Variants in EYA1 observed in about 807,000 individuals in gnomAD.
EYA1 encodes the protein EYA transcriptional coactivator and phosphatase 1.
Under a neutral mutation model 82.0 loss-of-function variants are expected in EYA1, and 16 were observed. The observed-to-expected ratio is 0.20, with a 90% CI of 0.13 to 0.30. The LOEUF is 0.30. Ranked by LOEUF, EYA1 falls within the 10% of genes least tolerant of loss-of-function variation. The probability of loss-of-function intolerance (pLI) is 1.00; values close to 1 mark genes in which losing one functional copy is unlikely to be tolerated. For missense variants in EYA1, 633 were observed against 730.7 expected, an observed-to-expected ratio of 0.87 and a Z score of 1.54; for synonymous variants, 261 against 264.4, an observed-to-expected ratio of 0.99 and a Z score of 0.12.
intron 2 of EYA1, among the ~76,000 whole-genome samples, chr8:71,452,588 A>C (rs919393490): frequency 6.6e-6 from 1 of 152,332 alleles, no homozygotes; most frequent in South Asian, 2.1e-4. Flanking sequence ...AGGAACGATC[A>C]GGCAGCAACA....
At chr8:71,313,207 G>A (rs945805237) in intron 7 of EYA1, among the ~76,000 whole-genome samples, 19 of 151,848 alleles carry the variant, frequency 1.3e-4, no homozygotes, top group African/African-American at 4.1e-4. Context: ...CCGCTTTTTC[G>A]GTATCATGTA....
At chr8:71,374,461 G>A (rs1425561249) in intron 2 of EYA1, among the ~76,000 whole-genome samples, 4 of 152,038 alleles carry the variant, frequency 2.6e-5, no homozygotes, top group Non-Finnish European at 4.4e-5. Context: ...TAGGACGTCC[G>A]TTACCAAAAA....
chr8:71,397,426 C>T (rs1240381291), intron 2 of EYA1, among the ~76,000 whole-genome samples: 2 of 152,136 alleles, frequency 1.3e-5, no homozygotes, highest in East Asian at 3.8e-4. Flanking sequence ...GTGGCTGGTA[C>T]TAGTTGTTCC....
At chr8:71,255,784 G>A (rs1443275518) in intron 11 of EYA1, among the ~76,000 whole-genome samples, 1 of 151,998 alleles carries the variant, frequency 6.6e-6, no homozygotes, top group African/African-American at 2.4e-5. Context: ...TGAAAAGGCA[G>A]GCCACGGAAT....
chr8:71,275,576 A>T (rs1393799671), intron 9 of EYA1, among the ~76,000 whole-genome samples: 1 of 152,184 alleles, frequency 6.6e-6, no homozygotes. Flanking sequence ...GCACAGAAAG[A>T]CAGGTGAGGT....
intron 10 of EYA1, among the ~76,000 whole-genome samples, chr8:71,270,974 C>G (rs973769709): frequency 6.6e-6 from 1 of 151,900 alleles, no homozygotes; most frequent in Admixed American, 6.6e-5. Flanking sequence ...AAAAATTAGC[C>G]GGGCTTGGTG....
intron 2 of EYA1, among the ~76,000 whole-genome samples, chr8:71,501,504 T>A (rs1440407365): frequency 2.6e-5 from 4 of 152,236 alleles, no homozygotes; most frequent in Admixed American, 2.6e-4. Flanking sequence ...GAAAATTGTA[T>A]GGCATTCTCT....
chr8:71,207,646 C>T (rs1485610532), intron 17 of EYA1, among the ~76,000 whole-genome samples: 2 of 151,486 alleles, frequency 1.3e-5, no homozygotes, highest in African/African-American at 2.4e-5. Context: ...TTTGTGTGTG[C>T]CCTATATTAA....
chr8:71,518,244 T>TA (rs959300343), intron 2 of EYA1, among the ~76,000 whole-genome samples: 3 of 152,280 alleles, frequency 2.0e-5, no homozygotes, highest in Non-Finnish European at 4.4e-5. Flanking sequence ...CATACTTACT[T>TA]AGAGTCTTAG....
At chr8:71,403,120 A>G (rs1830043896) in intron 2 of EYA1, among the ~76,000 whole-genome samples, 1 of 152,250 alleles carries the variant, frequency 6.6e-6, no homozygotes, top group Non-Finnish European at 1.5e-5. Context: ...GTATGGCATA[A>G]GACAGCATAA....
chr8:71,497,741 TG>T (rs1811521729), intron 2 of EYA1, among the ~76,000 whole-genome samples: 1 of 152,164 alleles, frequency 6.6e-6, no homozygotes, highest in African/African-American at 2.4e-5. Flanking sequence ...AAAATCAGTA[TG>T]TCAAAGAGAT....
chr8:71,345,432 C>T (rs187929513), intron 3 of EYA1, among the ~76,000 whole-genome samples: 1 of 152,304 alleles, frequency 6.6e-6, no homozygotes, highest in East Asian at 1.9e-4. Context: ...AGTAAGTATT[C>T]ATCATCATAC....
chr8:71,455,312 C>T (rs970733460), intron 2 of EYA1, among the ~76,000 whole-genome samples: 7 of 152,080 alleles, frequency 4.6e-5, no homozygotes, highest in South Asian at 2.1e-4. Flanking sequence ...GATTCACTGC[C>T]GAATTCTACC....
chr8:71,470,186 T>C (rs965852136), intron 2 of EYA1, among the ~76,000 whole-genome samples: 1 of 152,114 alleles, frequency 6.6e-6, no homozygotes. Flanking sequence ...TTCCTGAAGA[T>C]GGCCTAATCA....
At chr8:71,494,899 T>C (rs1237831631) in intron 2 of EYA1, among the ~76,000 whole-genome samples, 1 of 152,008 alleles carries the variant, frequency 6.6e-6, no homozygotes, top group Non-Finnish European at 1.5e-5. Context: ...ACTGTAAGTT[T>C]TAAAACTTGT....
intron 4 of EYA1, among the ~76,000 whole-genome samples, chr8:71,324,799 G>A (rs544951803): frequency 1.4e-4 from 21 of 152,148 alleles, no homozygotes; most frequent in Admixed American, 9.2e-4. Context: ...CATGACTCAG[G>A]TGGCTCCCCG....
intron 2 of EYA1, among the ~76,000 whole-genome samples, chr8:71,390,130 T>C (rs1829193197): frequency 6.6e-6 from 1 of 152,194 alleles, no homozygotes; most frequent in Admixed American, 6.5e-5. Context: ...ATTCCTTATA[T>C]TCCTTTAACG....
chr8:71,521,459 T>A (rs1041861396), intron 2 of EYA1, among the ~76,000 whole-genome samples: 3 of 152,118 alleles, frequency 2.0e-5, no homozygotes, highest in Non-Finnish European at 4.4e-5. Flanking sequence ...TATATTTTGA[T>A]ATATAAAGAA....
At chr8:71,293,120 C>T (rs980554437) in intron 9 of EYA1, among the ~76,000 whole-genome samples, 29 of 152,020 alleles carry the variant, frequency 1.9e-4, no homozygotes, top group African/African-American at 6.5e-4. Context: ...TTAGCAATCC[C>T]ATGAACATTA....
Sources: gnomAD v4.1 joint callset for allele counts (sites outside exome capture counted in the v4.1 genomes callset) on GRCh38, gnomAD v4.1.1 for gene constraint, MANE v1.5 for transcripts, NCBI Gene and HGNC (gene_info 2026-07-23, HGNC 2026-07-21) for gene names.